Variants in ERI3 observed in about 807,000 individuals in gnomAD.
ERI3 encodes ERI1 exoribonuclease family member 3.
In ERI3, 18 loss-of-function variants were observed where a neutral mutation model predicts 44.4. That is an observed-to-expected ratio of 0.41 (90% CI 0.28 to 0.60). ERI3 has a LOEUF of 0.60. ERI3 is among the 20% of genes least tolerant of loss of function. The probability of loss-of-function intolerance (pLI) is 0.36; values close to 1 mark genes in which losing one functional copy is unlikely to be tolerated. For missense variants in ERI3, 294 were observed against 435.5 expected, an observed-to-expected ratio of 0.68 and a Z score of 2.89; for synonymous variants, 183 against 164.8, an observed-to-expected ratio of 1.11 and a Z score of -0.84.
At chr1:44,325,227 G>A (rs545001846) in intron 3 of ERI3, among the ~76,000 whole-genome samples, 6 of 151,874 alleles carry the variant, frequency 4.0e-5, no homozygotes, top group Non-Finnish European at 5.9e-5. Context: ...ACAGGCACCC[G>A]TGACCACACC....
chr1:44,235,017 T>C lies in ERI3; in HGVS notation c.931+12922A>G, dbSNP rs535125514. On this transcript the variant is annotated intron_variant, in intron 8 of 8. Coordinates refer to ENST00000372257, the MANE Select transcript of ERI3 (RefSeq NM_024066.3). This position sits in a 1 kb window ranked among gnomAD's most constrained non-coding sequence, Gnocchi z 4.6. ...GAGGGAAAGCTGGGTAAGGGATACA[T>C]AGAAACTTTCCTACAAATGTAAAAT... Among the ~76,000 whole-genome samples, 157 of 152,292 alleles carry C rather than the reference T, an allele frequency of 1.0e-3. No homozygotes were observed. Among genetic ancestry groups the C allele is most frequent in the South Asian group, 7.5e-3 (36 of 4,822 alleles).
At position 44,231,542 on chromosome 1, in the gene ERI3, T is replaced by TTG. The variant is rs971626100; in HGVS notation, c.932-9904_932-9903dup. On this transcript the variant is annotated intron_variant, in intron 8 of 8. Coordinates refer to ENST00000372257, the MANE Select transcript of ERI3 (RefSeq NM_024066.3). The stretch of plus-strand genomic sequence containing the variant: ...GTATGCCACCATGCCTGGCTTTTTT[T>TTG]TGTGTGTGTACATATGGGGTCTTGC... 7.9e-5 allele frequency among the ~76,000 whole-genome samples: 12 copies of TTG among 152,242 alleles called. 2 individuals are homozygous for TTG. The highest frequency in any genetic ancestry group is 2.9e-4 in the African/African-American group (12 of 41,544).
chr1:44,301,305 C>G lies in ERI3; in HGVS notation c.758+7005G>C, dbSNP rs548981195. On this transcript the variant is annotated intron_variant, in intron 6 of 8. Coordinates refer to ENST00000372257, the MANE Select transcript of ERI3 (RefSeq NM_024066.3). ...CCTTCAGAACCTCCTCCCCCTGCCC[C>G]CACTGTGCACTGGGAGCCTGGGCTG... 3.3e-5 allele frequency among the ~76,000 whole-genome samples: 5 copies of G among 152,282 alleles called. No individual in the cohort carries two copies. The South Asian group carries it at 6.2e-4, about 19-fold the overall frequency.
At chr1:44,338,766 G>T (rs1163391121) in intron 3 of ERI3, among the ~76,000 whole-genome samples, 1 of 152,154 alleles carries the variant, frequency 6.6e-6, no homozygotes. Context: ...ATGGAGGAAA[G>T]AAGAGAACAG....
In ERI3 at chr1:44,272,144, G is replaced by C. The variant is rs1461167596; in HGVS notation, c.831+12691C>G. On this transcript the variant is annotated intron_variant, in intron 7 of 8. Coordinates refer to ENST00000372257, the MANE Select transcript of ERI3 (RefSeq NM_024066.3). ...TTTATCCTCAGGTCAACTCTAGAAGGTGGATATGATTTTTCTTGTTTTATA... is the reference window on the plus strand; with the variant it reads ...TTTATCCTCAGGTCAACTCTAGAAGCTGGATATGATTTTTCTTGTTTTATA... 2.0e-5 allele frequency among the ~76,000 whole-genome samples: 3 copies of C among 152,192 alleles called. No homozygotes were observed. The East Asian group carries it at 5.8e-4, about 29-fold the overall frequency.
At chr1:44,322,837 T>A in intron 3 of ERI3, 1 of 1,549,618 alleles carries the variant, frequency 6.5e-7, no homozygotes, top group Non-Finnish European at 8.7e-7. Context: ...GGCACAACTC[T>A]GCAGCCAGGG....
chr1:44,298,588 C>T (rs895685564), intron 6 of ERI3, among the ~76,000 whole-genome samples: 3 of 152,180 alleles, frequency 2.0e-5, no homozygotes, highest in Non-Finnish European at 4.4e-5. Flanking sequence ...ATACAATGCA[C>T]AGGAATCTCC....
rs192156442 is a variant in ERI3, at chr1:44,350,947, C to T, written c.211+1903G>A. ...GAAGATAAAAATAAAATGCTATCCA[C>T]GTAATTGCCACAGCCTCCTGACTAG... is the stretch of plus-strand genomic sequence containing the variant. On this transcript the variant is annotated intron_variant, in intron 2 of 8. Transcript: ENST00000372257. Among the ~76,000 whole-genome samples, 198 of 152,182 alleles carry T rather than the reference C, an allele frequency of 1.3e-3. 1 individual carries two copies. The highest frequency in any genetic ancestry group is 2.0e-3 in the Non-Finnish European group (139 of 67,998).
chr1:44,313,046 C>G, intron 5 of ERI3, 123 bp downstream of exon 5: 1 of 833,080 alleles, frequency 1.2e-6, no homozygotes, highest in East Asian at 2.6e-5. Flanking sequence ...GATGTGACAG[C>G]AAATGTTATT....
chr1:44,333,905 A>G (rs1435219918), intron 3 of ERI3, among the ~76,000 whole-genome samples: 1 of 152,212 alleles, frequency 6.6e-6, no homozygotes, highest in Non-Finnish European at 1.5e-5. Flanking sequence ...CAAAATGCAG[A>G]TGGACTCTCT....
chr1:44,284,166 T>C (rs1645345581), intron 7 of ERI3: 3 of 431,610 alleles, frequency 7.0e-6, no homozygotes, highest in Admixed American at 2.7e-5. Flanking sequence ...GCTAGGAAAG[T>C]ACAGTTTTCT....
At chr1:44,242,084 T>C (rs547847804) in intron 8 of ERI3, 3 of 985,536 alleles carry the variant, frequency 3.0e-6, no homozygotes, top group South Asian at 9.4e-5. Context: ...GCAGACCCTG[T>C]CAATGATGGG....
At chr1:44,244,916 G>A (rs1430903681) in intron 8 of ERI3, among the ~76,000 whole-genome samples, 1 of 152,106 alleles carries the variant, frequency 6.6e-6, no homozygotes, top group Non-Finnish European at 1.5e-5. Context: ...CCCTGGACAT[G>A]GCTCAGCTGT....
In ERI3 at chr1:44,284,919, A is replaced by G. The variant is rs368756908; in HGVS notation, c.759-12T>C. On this transcript the variant is annotated splice_polypyrimidine_tract_variant and intron_variant, in intron 6 of 8. Coordinates refer to ENST00000372257, the MANE Select transcript of ERI3 (RefSeq NM_024066.3). ...ACTGGCCTGGGAGCCTACAAAAAAAAGGGAAGAGAGAACAAGTTGGGCGCA... is the reference window on the plus strand; with the variant it reads ...ACTGGCCTGGGAGCCTACAAAAAAAGGGGAAGAGAGAACAAGTTGGGCGCA... 1.9e-6 allele frequency: 3 copies of G among 1,612,958 alleles called. No homozygotes were observed. Among genetic ancestry groups the G allele is most frequent in the South Asian group, 2.2e-5 (2 of 91,024 alleles).
Position 44,335,692 on chromosome 1 carries a change from G to A in ERI3, c.489+3353C>T, listed in dbSNP as rs556425285. Reference sequence around the variant, plus strand: ...GAAAATTGCTTGAGGCAGAGGTTGCGGTGAGCCGAGATCACACCATTGCAC... The same window carrying A: ...GAAAATTGCTTGAGGCAGAGGTTGCAGTGAGCCGAGATCACACCATTGCAC... On this transcript the variant is annotated intron_variant, in intron 3 of 8. Transcript: ENST00000372257. Among the ~76,000 whole-genome samples, 7 of 149,244 alleles carry A rather than the reference G, an allele frequency of 4.7e-5. No individual in the cohort carries two copies. The South Asian group carries it at 8.6e-4, about 18-fold the overall frequency.
chr1:44,238,038 G>A (rs1644345433), intron 8 of ERI3, among the ~76,000 whole-genome samples: 2 of 152,086 alleles, frequency 1.3e-5, no homozygotes, highest in Non-Finnish European at 2.9e-5. Context: ...TCGGCCCTAC[G>A]CGGCCTCTGC....
At chr1:44,248,262 T>TAA (rs1644596667) in intron 7 of ERI3, among the ~76,000 whole-genome samples, 1 of 152,128 alleles carries the variant, frequency 6.6e-6, no homozygotes, top group East Asian at 1.9e-4. Flanking sequence ...TCTGAGTCCC[T>TAA]GGCCCTCAAT....
chr1:44,285,782 G>C (rs1645382417), intron 6 of ERI3, among the ~76,000 whole-genome samples: 1 of 152,198 alleles, frequency 6.6e-6, no homozygotes, highest in Admixed American at 6.5e-5. Context: ...CCTTAAGTTG[G>C]AGTATGGGGG....
intron 6 of ERI3, among the ~76,000 whole-genome samples, chr1:44,307,554 G>T (rs186951563): frequency 2.9e-4 from 44 of 152,260 alleles, no homozygotes; most frequent in African/African-American, 1.1e-3. Flanking sequence ...GGTTCCCTGG[G>T]GGCCATCTGA....
Sources: gnomAD v4.1 joint callset for allele counts (sites outside exome capture counted in the v4.1 genomes callset) on GRCh38, gnomAD v4.1.1 for gene constraint, Gnocchi (gnomAD v3.1) non-coding constraint, MANE v1.5 for transcripts, NCBI Gene and HGNC (gene_info 2026-07-23, HGNC 2026-07-21) for gene names.